TTBK2: variants seen among roughly 807,000 people sequenced by gnomAD.
The protein encoded by TTBK2 is tau-tubulin kinase 2.
TTBK2 carries 28 observed loss-of-function variants against 110.8 expected under a neutral mutation model. The observed-to-expected ratio is 0.25, with a 90% confidence interval of 0.19 to 0.35. TTBK2 has a LOEUF of 0.35. TTBK2 is among the 10% of genes least tolerant of loss of function. The pLI, the probability that TTBK2 is intolerant of heterozygous loss-of-function variation, is 1.00. For synonymous variants in TTBK2, 532 were observed against 527.3 expected, an observed-to-expected ratio of 1.01 and a Z score of -0.12; for missense variants, 1,369 against 1,500.3, an observed-to-expected ratio of 0.91 and a Z score of 1.45.
intron 1 of TTBK2, among the ~76,000 whole-genome samples, chr15:42,918,329 A>C (rs143261742): frequency 7.2e-5 from 11 of 152,094 alleles, no homozygotes; most frequent in African/African-American, 2.4e-4. Context: ...GGCCTCCCAA[A>C]GTGCTGGGAT....
In TTBK2 at chr15:42,892,704, C is replaced by CAA. The variant is rs35331798; in HGVS notation, c.-67-14022_-67-14021dup. ...TGGATGACAGAGCAAGACCCTGTCTCAAAAAAAAAAAAAAAAAAAAAAAAG... is the reference window on the plus strand; with the variant it reads ...TGGATGACAGAGCAAGACCCTGTCTCAAAAAAAAAAAAAAAAAAAAAAAAAAG... On this transcript the variant is annotated intron_variant, in intron 1 of 14. Transcript: ENST00000267890. 9.9e-3 allele frequency among the ~76,000 whole-genome samples: 370 copies of CAA among 37,538 alleles called. 5 individuals are homozygous for CAA. The highest frequency in any genetic ancestry group is 0.055 in the East Asian group (70 of 1,284). 24.6% of individuals were successfully genotyped at this position (37,538 alleles called of 152,430 possible).
chr15:42,778,814 T>C (rs1430245360), intron 11 of TTBK2, among the ~76,000 whole-genome samples: 1 of 151,936 alleles, frequency 6.6e-6, no homozygotes, highest in Non-Finnish European at 1.5e-5. Flanking sequence ...ATAGAAAGAA[T>C]GAAGAGGTAG....
chr15:42,858,015 G>A (rs1229985010), intron 3 of TTBK2, among the ~76,000 whole-genome samples: 1 of 152,028 alleles, frequency 6.6e-6, no homozygotes, highest in African/African-American at 2.4e-5. Context: ...CCTGGGAGGT[G>A]GAGGCAGCAG....
In TTBK2 at chr15:42,821,941, T is replaced by C. The variant is rs150370374; in HGVS notation, c.538-4844A>G. Among the ~76,000 whole-genome samples, 559 of 151,946 alleles carry C rather than the reference T, an allele frequency of 3.7e-3. 2 individuals are homozygous for C. Among genetic ancestry groups the C allele is most frequent in the African/African-American group, 0.013 (534 of 41,440 alleles). On this transcript the variant is annotated intron_variant, in intron 6 of 14. Coordinates refer to ENST00000267890, the MANE Select transcript of TTBK2 (RefSeq NM_173500.4). Reference sequence around the variant, plus strand: ...TTCTGATCTCGTGATCTGCCTGCCTTGGCCTCCCAAAGTGCTGGGATTACA... The same window carrying C: ...TTCTGATCTCGTGATCTGCCTGCCTCGGCCTCCCAAAGTGCTGGGATTACA...
chr15:42,818,458 G>A (rs1001056963), intron 6 of TTBK2, among the ~76,000 whole-genome samples: 5 of 152,078 alleles, frequency 3.3e-5, no homozygotes, highest in African/African-American at 7.2e-5. Context: ...GGTGGCTCAC[G>A]CCTGTAATCC....
In TTBK2 at chr15:42,869,775, GAAT is replaced by G. The variant is rs376773808; in HGVS notation, c.217+2833_217+2835del. 1.8e-4 allele frequency among the ~76,000 whole-genome samples: 27 copies of G among 152,176 alleles called. No individual in the cohort carries two copies. In the East Asian group the frequency reaches 5.0e-3, roughly 28 times the overall value. ...CTATACTTATTAGGAATACTTTAGA[GAAT>G]AATAATAATAAGGTATAGAAGTACT... On this transcript the variant is annotated intron_variant, in intron 3 of 14. Coordinates refer to ENST00000267890, the MANE Select transcript of TTBK2 (RefSeq NM_173500.4).
chr15:42,919,354 C>T (rs1255770953), intron 1 of TTBK2, among the ~76,000 whole-genome samples: 1 of 152,152 alleles, frequency 6.6e-6, no homozygotes, highest in Non-Finnish European at 1.5e-5. Flanking sequence ...ATCATTTCCC[C>T]CTTCTATCCC....
At chr15:42,816,081 A>T (rs370366698) in intron 7 of TTBK2, among the ~76,000 whole-genome samples, 21 of 60,278 alleles carry the variant, frequency 3.5e-4, no homozygotes, top group East Asian at 1.6e-3. Flanking sequence ...AAAATAAATA[A>T]ATAAATATAT....
At chr15:42,808,572 G>A (rs2140919201) in intron 9 of TTBK2, among the ~76,000 whole-genome samples, 1 of 152,154 alleles carries the variant, frequency 6.6e-6, no homozygotes, top group South Asian at 2.1e-4. Context: ...GAAAAGACCA[G>A]GTATGGTGGC....
chr15:42,755,013 A>AT (rs2061928007), intron 13 of TTBK2, among the ~76,000 whole-genome samples: 1 of 145,540 alleles, frequency 6.9e-6, no homozygotes, highest in African/African-American at 2.5e-5. Flanking sequence ...CATCTCAGGA[A>AT]AAAAAAAAAA....
At chr15:42,775,067 C>T in intron 13 of TTBK2, 68 bp downstream of exon 13, 1 of 1,534,254 alleles carries the variant, frequency 6.5e-7, no homozygotes, top group South Asian at 1.1e-5. Flanking sequence ...AGTTGATCAA[C>T]TGTTAGTCCT....
intron 10 of TTBK2, among the ~76,000 whole-genome samples, chr15:42,794,437 G>C (rs1890841648): frequency 6.6e-6 from 1 of 152,104 alleles, no homozygotes; most frequent in African/African-American, 2.4e-5. Context: ...TAAGCTCTAA[G>C]CTCCCATTTC....
intron 9 of TTBK2, among the ~76,000 whole-genome samples, chr15:42,802,603 T>C (rs370526305): frequency 3.2e-4 from 48 of 152,276 alleles, no homozygotes; most frequent in East Asian, 1.5e-3. Context: ...AGAGAATGAG[T>C]TGAAGAAGCT....
intron 1 of TTBK2, among the ~76,000 whole-genome samples, chr15:42,887,411 C>T (rs968706098): frequency 1.5e-4 from 23 of 152,260 alleles, no homozygotes; most frequent in Non-Finnish European, 3.4e-4. Context: ...AAATGATGCA[C>T]CCCTTGCCAT....
intron 2 of TTBK2, among the ~76,000 whole-genome samples, chr15:42,876,259 A>T (rs2141126937): frequency 6.6e-6 from 1 of 151,832 alleles, no homozygotes; most frequent in African/African-American, 2.4e-5. Flanking sequence ...TTTTTTTTTT[A>T]ACTAAAAATG....
At chr15:42,887,651 G>C (rs1596025058) in intron 1 of TTBK2, among the ~76,000 whole-genome samples, 1 of 152,016 alleles carries the variant, frequency 6.6e-6, no homozygotes, top group African/African-American at 2.4e-5. Flanking sequence ...TATCCACCCT[G>C]TGGTGCCAAA....
At chr15:42,878,433 A>G in intron 2 of TTBK2, 116 bp downstream of exon 2, 13 of 1,546,484 alleles carry the variant, frequency 8.4e-6, no homozygotes, top group Non-Finnish European at 1.1e-5. Flanking sequence ...AATGTATGTA[A>G]TATTTCCTAA....
At position 42,899,596 on chromosome 15, in the gene TTBK2, C is replaced by A. The variant is rs928326160; in HGVS notation, c.-68+20842G>T. Among the ~76,000 whole-genome samples, 16 of 152,138 alleles carry A rather than the reference C, an allele frequency of 1.1e-4. No individual in the cohort carries two copies. In the South Asian group the frequency reaches 1.9e-3, roughly 18 times the overall value. ...TCTACTAAAATACAAAGAAATTAGC[C>A]GGGCGTGGTGGTACGTGCCTGTAAT... is the stretch of plus-strand genomic sequence containing the variant. On this transcript the variant is annotated intron_variant, in intron 1 of 14. Transcript: ENST00000267890.
intron 13 of TTBK2, among the ~76,000 whole-genome samples, chr15:42,762,615 G>A (rs1184649785): frequency 2.6e-5 from 4 of 152,122 alleles, no homozygotes; most frequent in Admixed American, 6.6e-5. Context: ...TACTCAGGAG[G>A]CTGAGGCAGG....
Sources: gnomAD v4.1 joint callset for allele counts (sites outside exome capture counted in the v4.1 genomes callset) on GRCh38, gnomAD v4.1.1 for gene constraint, MANE v1.5 for transcripts, NCBI Gene and HGNC (gene_info 2026-07-23, HGNC 2026-07-21) for gene names.